Variants in ATP6V0A2 observed in about 807,000 individuals in gnomAD.
The protein encoded by ATP6V0A2 is V-type proton ATPase 116 kDa subunit a 2.
ATP6V0A2 carries 58 observed loss-of-function variants against 104.4 expected under a neutral mutation model. The observed-to-expected ratio is 0.56, with a 90% CI of 0.45 to 0.69. ATP6V0A2 has a LOEUF of 0.69. Among genes scored for constraint, ATP6V0A2 ranks in the 30% least tolerant of loss-of-function variants. The probability of loss-of-function intolerance (pLI) is 0.00; values close to 1 mark genes in which losing one functional copy is unlikely to be tolerated. For missense variants in ATP6V0A2, 938 were observed against 1,062.9 expected (o/e 0.88, Z 1.63); for synonymous variants, 376 against 397.9 (o/e 0.95, Z 0.65).
chr12:123,750,804 A>T, intron 15 of ATP6V0A2: 1 of 395,388 alleles, frequency 2.5e-6, no homozygotes, highest in Non-Finnish European at 4.8e-6. Context: ...ATACTTTCTC[A>T]TTTACAGTGT....
intron 1 of ATP6V0A2, among the ~76,000 whole-genome samples, chr12:123,718,256 A>C (rs2135879039): frequency 6.6e-6 from 1 of 151,862 alleles, no homozygotes; most frequent in South Asian, 2.1e-4. Context: ...ATGCTTGGCT[A>C]ATTTTTGTGT....
chr12:123,727,645 A>C, intron 5 of ATP6V0A2, 138 bp from the exon 6 acceptor site: 1 of 971,240 alleles, frequency 1.0e-6, no homozygotes, highest in Non-Finnish European at 1.6e-6. Flanking sequence ...TCTGACCAGC[A>C]CCTGAGATGT....
At position 123,743,923 on chromosome 12, in the gene ATP6V0A2, G is replaced by T; in HGVS notation, c.1177G>T (p.Glu393Ter). ...VDAYGVGSYR[E>*]VNPALFTIIT... ...TGCTTATGGAGTCGGAAGCTACAGA[G>T]AAGTCAATCCAGGTTGGAAGTCTGA... is the stretch of plus-strand genomic sequence containing the variant. The change falls in exon 10 of 20, where the codon GAA (glutamate) becomes TAA (stop). Residue 393 changes from glutamate to a stop codon, truncating the protein, a stop_gained. Coordinates refer to ENST00000330342, the MANE Select transcript of ATP6V0A2 (RefSeq NM_012463.4). LOFTEE classifies it high-confidence loss of function. 8.1e-6 allele frequency: 13 copies of T among 1,614,202 alleles called. No homozygotes were observed. Among genetic ancestry groups the T allele is most frequent in the Non-Finnish European group, 1.1e-5 (13 of 1,180,038 alleles).
intron 1 of ATP6V0A2, among the ~76,000 whole-genome samples, chr12:123,717,041 G>A (rs188459066): frequency 4.5e-4 from 69 of 152,194 alleles, no homozygotes; most frequent in African/African-American, 1.5e-3. Context: ...CAGGGTGGGC[G>A]TGGTGGCTCA....
At position 123,744,446 on chromosome 12, in the gene ATP6V0A2, G is replaced by C. The variant is rs1172904122; in HGVS notation, c.1326+109G>C. On this transcript the variant is annotated intron_variant, in intron 11 of 19. Transcript: ENST00000330342. The surrounding 1 kb of genome is among the most constrained non-coding windows in gnomAD (Gnocchi z 5.4). Reference sequence around the variant, plus strand: ...CTGTAGGCTGCGGCTGTGCTGGGCAGGTGTGTGGCCTGTCAGCTGCGGCTG... The same window carrying C: ...CTGTAGGCTGCGGCTGTGCTGGGCACGTGTGTGGCCTGTCAGCTGCGGCTG... 2 of 1,569,528 alleles carry C rather than the reference G, an allele frequency of 1.3e-6. No individual in the cohort carries two copies. The highest frequency in any genetic ancestry group is 3.4e-5 in the Admixed American group (2 of 59,530).
chr12:123,716,565 C>T (rs1177242100), intron 1 of ATP6V0A2, among the ~76,000 whole-genome samples: 1 of 151,942 alleles, frequency 6.6e-6, no homozygotes, highest in African/African-American at 2.4e-5. Context: ...CTGAGGCAGC[C>T]ACATCACTTG....
intron 3 of ATP6V0A2, 184 bp from the exon 4 acceptor site, chr12:123,724,470 A>C (rs1219804416): frequency 5.8e-6 from 3 of 518,122 alleles, no homozygotes; most frequent in Non-Finnish European, 1.1e-5. Context: ...TGGAGGTTGC[A>C]GTGAGCCGAG....
At chr12:123,754,355 C>A in intron 17 of ATP6V0A2, 65 bp from the exon 18 acceptor site, 1 of 1,242,188 alleles carries the variant, frequency 8.1e-7, no homozygotes, top group Non-Finnish European at 1.2e-6. Context: ...GTGGAACCCA[C>A]TTGGCATGTA....
At chr12:123,748,445 T>C (rs1956683231) in intron 14 of ATP6V0A2, 130 bp from the exon 15 acceptor site, 2 of 780,056 alleles carry the variant, frequency 2.6e-6, no homozygotes, top group Non-Finnish European at 2.2e-6. Context: ...CAGATGTATC[T>C]GGATTCATCA....
chr12:123,713,654 AAC>A (rs1403166651), intron 1 of ATP6V0A2, among the ~76,000 whole-genome samples: 1 of 152,092 alleles, frequency 6.6e-6, no homozygotes, highest in Non-Finnish European at 1.5e-5. Flanking sequence ...AGACAGATTA[AAC>A]ACACTCTGAT....
chr12:123,734,296 G>C, intron 7 of ATP6V0A2, among the ~76,000 whole-genome samples: 1 of 152,200 alleles, frequency 6.6e-6, no homozygotes, highest in Non-Finnish European at 1.5e-5. Flanking sequence ...GTTTTTATAT[G>C]TTGTGACTTC....
chr12:123,757,920 T>A lies in ATP6V0A2; in HGVS notation c.2466-7T>A. The A allele has an allele frequency of 6.4e-7, 1 of 1,565,142 alleles. No homozygotes were observed. Among genetic ancestry groups the A allele is most frequent in the Non-Finnish European group, 8.7e-7 (1 of 1,147,614 alleles). On this transcript the variant is annotated splice_region_variant and splice_polypyrimidine_tract_variant and intron_variant, in intron 19 of 19. Coordinates refer to ENST00000330342, the MANE Select transcript of ATP6V0A2 (RefSeq NM_012463.4). ...TTCCATTAATACATGGCTTTTTTTT[T>A]TTTTAGGGTAGAATTTCAGAACAAA...
At chr12:123,719,359 TGACA>T (rs986855083) in intron 2 of ATP6V0A2, among the ~76,000 whole-genome samples, 11 of 151,832 alleles carry the variant, frequency 7.2e-5, no homozygotes, top group African/African-American at 1.9e-4. Context: ...GGAGGGAAAA[TGACA>T]GACAGTCAAC....
At chr12:123,731,924 C>G (rs769040163) in intron 6 of ATP6V0A2, 1 of 152,246 alleles carries the variant, frequency 6.6e-6, no homozygotes, top group Non-Finnish European at 1.5e-5. Flanking sequence ...GACAGCTTCT[C>G]TCTTCTTTCT....
At chr12:123,729,451 A>G (rs946501688) in intron 6 of ATP6V0A2, among the ~76,000 whole-genome samples, 9 of 151,768 alleles carry the variant, frequency 5.9e-5, no homozygotes, top group Non-Finnish European at 1.3e-4. Flanking sequence ...ACAAAAGCAC[A>G]TGCACATATA....
At chr12:123,741,668 G>T (rs1956610578) in intron 9 of ATP6V0A2, among the ~76,000 whole-genome samples, 1 of 152,002 alleles carries the variant, frequency 6.6e-6, no homozygotes. Flanking sequence ...CTCTACAAAA[G>T]ACGGTGTCTG....
In ATP6V0A2 at chr12:123,744,016, A is replaced by C; in HGVS notation, c.1189+81A>C. On this transcript the variant is annotated intron_variant, in intron 10 of 19. Coordinates refer to ENST00000330342, the MANE Select transcript of ATP6V0A2 (RefSeq NM_012463.4). This position sits in a 1 kb window ranked among gnomAD's most constrained non-coding sequence, Gnocchi z 5.4. ...CTCTAAGAATGGAATAGATATTTGG[A>C]AAGAGAGGCTGACCATTACTTTTTT... 1 of 1,585,320 alleles carries C rather than the reference A, an allele frequency of 6.3e-7. No homozygotes were observed.
chr12:123,754,128 A>G (rs1956741310), intron 17 of ATP6V0A2: 2 of 549,924 alleles, frequency 3.6e-6, no homozygotes, highest in Admixed American at 3.2e-5. Context: ...TGGCCACGGC[A>G]GTTCCTCTGG....
At chr12:123,745,814 G>A (rs981529160) in intron 13 of ATP6V0A2, among the ~76,000 whole-genome samples, 1 of 152,154 alleles carries the variant, frequency 6.6e-6, no homozygotes, top group Non-Finnish European at 1.5e-5. Flanking sequence ...TGCAGGGTTG[G>A]GTGGGGTTTT....
Sources: allele counts gnomAD v4.1 joint callset (sites outside exome capture counted in the v4.1 genomes callset), GRCh38; gene constraint gnomAD v4.1.1; non-coding constraint Gnocchi (gnomAD v3.1); transcripts MANE v1.5; gene names NCBI Gene and HGNC (gene_info 2026-07-23, HGNC 2026-07-21).